The following ASXL1 variants were observed in gnomAD, a reference collection of about 807,000 sequenced individuals.
ASXL1 encodes ASXL transcriptional regulator 1.
In ASXL1, 65 loss-of-function variants were observed where a neutral mutation model predicts 89.1. The ratio of observed to expected loss-of-function variants is 0.73; its 90% confidence interval spans 0.60 to 0.90. ASXL1 has a LOEUF of 0.90. ASXL1 is among the 40% of genes least tolerant of loss of function. ASXL1 has a pLI of 0.00. For synonymous variants in ASXL1, 739 were observed against 746.9 expected (o/e 0.99, Z 0.17); for missense variants, 1,786 against 1,942.9 (o/e 0.92, Z 1.52).
At chr20:32,398,616 T>TTTTTTTTTTTTTTTTG (rs2048812182) in intron 4 of ASXL1, among the ~76,000 whole-genome samples, 1 of 133,816 alleles carries the variant, frequency 7.5e-6, no homozygotes, top group Non-Finnish European at 1.6e-5. Flanking sequence ...TTTTTTTTTG[T>TTTTTTTTTTTTTTTTG]TTTTTTTTTT....
chr20:32,392,329 C>G (rs1222275994), intron 4 of ASXL1, among the ~76,000 whole-genome samples: 1 of 149,598 alleles, frequency 6.7e-6, no homozygotes, highest in Admixed American at 6.7e-5. Flanking sequence ...GTTGCCCACT[C>G]TGGAGTGCAG....
chr20:32,377,970 C>CTGTGTGTGTGTGTGTGTGTG (rs1361008874), intron 4 of ASXL1, among the ~76,000 whole-genome samples: 3 of 59,714 alleles, frequency 5.0e-5, no homozygotes, highest in Admixed American at 2.2e-4. Flanking sequence ...AAAGTTTTGA[C>CTGTGTGTGTGTGTGTGTGTG]TCTGTGTGTG....
intron 1 of ASXL1, among the ~76,000 whole-genome samples, chr20:32,363,143 T>C (rs1569234967): frequency 6.6e-6 from 1 of 152,240 alleles, no homozygotes; most frequent in Non-Finnish European, 1.5e-5. Flanking sequence ...TAAAAAAGAA[T>C]ACTTTGTATC....
chr20:32,369,741 T>TTTTTTA (rs869244300), intron 4 of ASXL1, among the ~76,000 whole-genome samples: 3 of 117,954 alleles, frequency 2.5e-5, no homozygotes, highest in Admixed American at 8.7e-5. Context: ...TTTTTTTTTT[T>TTTTTTA]ATTCTGAGAT....
chr20:32,426,541 CTTTTTTTTCTTTCTTTTTTT>C lies in ASXL1; in HGVS notation c.253-1578_253-1559del, dbSNP rs1232491147. Among the ~76,000 whole-genome samples, 40 of 92,572 alleles carry C rather than the reference CTTTTTTTTCTTTCTTTTTTT, an allele frequency of 4.3e-4. 2 individuals are homozygous for C. The highest frequency in any genetic ancestry group is 5.0e-3 in the Middle Eastern group (1 of 200). The allele number at this position is 92,572 out of a possible 152,430, so 60.7% of individuals were successfully genotyped here. On this transcript the variant is annotated intron_variant, in intron 4 of 12. Coordinates refer to ENST00000375687, the MANE Select transcript of ASXL1 (RefSeq NM_015338.6). ...AGGTAAAGATGTAGAAAACTGTTTT[CTTTTTTTTCTTTCTTTTTTT>C]TTTTTTTTTTTTTTTTTGAGATGGA...
At chr20:32,428,652 CTTTTTTTT>C (rs35966674) in intron 6 of ASXL1, 29 of 147,880 alleles carry the variant, frequency 2.0e-4, no homozygotes, top group East Asian at 7.1e-4. Flanking sequence ...TTTGTTCATT[CTTTTTTTT>C]TTTTTTTTTT....
chr20:32,379,159 G>GTT (rs2048440217), intron 4 of ASXL1, among the ~76,000 whole-genome samples: 2 of 94,458 alleles, frequency 2.1e-5, no homozygotes, highest in African/African-American at 4.1e-5. Flanking sequence ...TATAACTTCA[G>GTT]TCTTTTTTTT....
chr20:32,436,573 A>G lies in ASXL1; in HGVS notation c.3861A>G (p.Thr1287=). 1 of 1,614,226 alleles carries G rather than the reference A, an allele frequency of 6.2e-7. No homozygotes were observed. Reference sequence around the variant, plus strand: ...TGATCTCCTTTGGTCCAGAGCAGACAGGTCGGGCCCTGGGTGATCAGAGCA... The same window carrying G: ...TGATCTCCTTTGGTCCAGAGCAGACGGGTCGGGCCCTGGGTGATCAGAGCA... ...PNVISFGPEQ[T]GRALGDQSNV... is the part of the protein sequence containing the mutation. Residue 1287 remains threonine, a synonymous_variant, in exon 13 of 13, where the codon ACA becomes ACG. Transcript: ENST00000375687.
At chr20:32,426,299 T>C (rs2011283358) in intron 4 of ASXL1, among the ~76,000 whole-genome samples, 2 of 152,124 alleles carry the variant, frequency 1.3e-5, no homozygotes, top group Admixed American at 6.5e-5. Flanking sequence ...GTATGTATGA[T>C]TTTCTCATAC....
intron 4 of ASXL1, among the ~76,000 whole-genome samples, chr20:32,400,395 C>T (rs1254737264): frequency 6.6e-6 from 1 of 152,040 alleles, no homozygotes; most frequent in Non-Finnish European, 1.5e-5. Context: ...CCGTTGATTC[C>T]TTTAGGTCTT....
chr20:32,378,072 C>T (rs6141298), intron 4 of ASXL1, among the ~76,000 whole-genome samples: 1 of 148,036 alleles, frequency 6.8e-6, no homozygotes, highest in Non-Finnish European at 1.5e-5. Context: ...TCACTGCAAC[C>T]TTAGCTTCCT....
At chr20:32,369,576 C>G (rs917732537) in intron 4 of ASXL1, among the ~76,000 whole-genome samples, 8 of 151,526 alleles carry the variant, frequency 5.3e-5, no homozygotes, top group African/African-American at 1.9e-4. Flanking sequence ...CTAAATGGCA[C>G]TTTGAGGTGT....
At chr20:32,422,845 A>T (rs2011179428) in intron 4 of ASXL1, among the ~76,000 whole-genome samples, 1 of 152,038 alleles carries the variant, frequency 6.6e-6, no homozygotes, top group Admixed American at 6.5e-5. Flanking sequence ...TTGGCCTCCC[A>T]AAGTGCTGGG....
intron 4 of ASXL1, among the ~76,000 whole-genome samples, chr20:32,403,235 T>C (rs1292142129): frequency 6.6e-6 from 1 of 152,196 alleles, no homozygotes; most frequent in Non-Finnish European, 1.5e-5. Flanking sequence ...CTACGCACAC[T>C]GTTCTGGCTC....
Position 32,431,572 on chromosome 20 carries a change from G to T in ASXL1, c.883-11G>T, listed in dbSNP as rs2123236624. 6.2e-7 allele frequency: 1 copy of T among 1,614,038 alleles called. No homozygotes were observed. Among genetic ancestry groups the T allele is most frequent in the Non-Finnish European group, 8.5e-7 (1 of 1,179,980 alleles). ...ATTTATTAGGATTTTTTTCCCCCTTGATCCTTCTAGGTGGGGACGGATGGC... is the reference window on the plus strand; with the variant it reads ...ATTTATTAGGATTTTTTTCCCCCTTTATCCTTCTAGGTGGGGACGGATGGC... On this transcript the variant is annotated splice_polypyrimidine_tract_variant and intron_variant, in intron 9 of 12. Coordinates refer to ENST00000375687, the MANE Select transcript of ASXL1 (RefSeq NM_015338.6).
chr20:32,362,984 A>C lies in ASXL1; in HGVS notation c.58-3400A>C, dbSNP rs565232986. Among the ~76,000 whole-genome samples the C allele has an allele frequency of 2.6e-5, 4 of 152,194 alleles. No homozygotes were observed. The South Asian group carries it at 6.2e-4, about 24-fold the overall frequency. On this transcript the variant is annotated intron_variant, in intron 1 of 12. Transcript: ENST00000375687. ...GCTTTATCTTTTACTTTGATTCATG[A>C]CTGACCAGTTCTTACATCAAACATT... is the stretch of plus-strand genomic sequence containing the variant.
intron 4 of ASXL1, among the ~76,000 whole-genome samples, chr20:32,420,416 C>CGT (rs1333249377): frequency 6.6e-6 from 1 of 152,014 alleles, no homozygotes; most frequent in African/African-American, 2.4e-5. Context: ...TTGCCACATT[C>CGT]GTAGTGTCTT....
chr20:32,369,165 C>G, intron 4 of ASXL1, 42 bp downstream of exon 4: 1 of 1,541,652 alleles, frequency 6.5e-7, no homozygotes. Context: ...GATTCTTGGA[C>G]TTTTAATGTG....
At chr20:32,359,651 G>A (rs2048076241) in intron 1 of ASXL1, 1 of 716,712 alleles carries the variant, frequency 1.4e-6, no homozygotes, top group African/African-American at 1.7e-5. Context: ...ATGTATGTTG[G>A]ACAAAGACAA....
Sources: gnomAD v4.1 joint callset for allele counts (sites outside exome capture counted in the v4.1 genomes callset) on GRCh38, gnomAD v4.1.1 for gene constraint, MANE v1.5 for transcripts, NCBI Gene and HGNC (gene_info 2026-07-23, HGNC 2026-07-21) for gene names.